ROBO2: variants seen among roughly 807,000 people sequenced by gnomAD.
ROBO2 encodes the protein roundabout homolog 2.
Under a neutral mutation model 160.8 loss-of-function variants are expected in ROBO2, and 53 were observed. The observed-to-expected ratio is 0.33, with a 90% CI of 0.26 to 0.41. ROBO2 has a LOEUF of 0.41. Among genes scored for constraint, ROBO2 ranks in the 10% least tolerant of loss-of-function variants. ROBO2 has a pLI of 1.00. For synonymous variants in ROBO2, 664 were observed against 611.7 expected (o/e 1.09, Z -1.26); for missense variants, 1,577 against 1,722.4 (o/e 0.92, Z 1.49).
At position 75,915,395 on chromosome 3, in the gene ROBO2, T is replaced by C. The variant is rs535529311; in HGVS notation, c.-14+8435T>C. ...GCCGTTAATGAAATGTAATAGTGAG[T>C]CTGTTGTTGTTAGTTGTGACTATAT... On this transcript the variant is annotated intron_variant, in intron 1 of 26. Transcript: ENST00000487694. Among the ~76,000 whole-genome samples the C allele has an allele frequency of 5.3e-5, 8 of 152,262 alleles. No individual in the cohort carries two copies. The South Asian group carries it at 1.0e-3, about 20-fold the overall frequency.
chr3:77,075,914 A>G (rs1288557446), intron 1 of ROBO2, among the ~76,000 whole-genome samples: 4 of 151,648 alleles, frequency 2.6e-5, no homozygotes, highest in Non-Finnish European at 4.4e-5. Context: ...CGGACCTCAA[A>G]TGATCCACCT....
chr3:76,983,919 C>T (rs1260350824), intron 2 of ROBO2, among the ~76,000 whole-genome samples: 7 of 152,296 alleles, frequency 4.6e-5, no homozygotes, highest in East Asian at 3.9e-4. Context: ...TTAATTGACT[C>T]GCAGTTCTGC....
At chr3:76,783,692 G>A (rs1035302669) in intron 2 of ROBO2, among the ~76,000 whole-genome samples, 17 of 150,600 alleles carry the variant, frequency 1.1e-4, no homozygotes, top group African/African-American at 2.4e-4. Flanking sequence ...AGAATGTCTC[G>A]ATAAAAGCCT....
intron 5 of ROBO2, among the ~76,000 whole-genome samples, chr3:77,494,766 C>T (rs531919871): frequency 8.4e-6 from 1 of 119,604 alleles, no homozygotes; most frequent in South Asian, 2.8e-4. Flanking sequence ...TGATTGGATA[C>T]TTTACTTCAA....
intron 2 of ROBO2, among the ~76,000 whole-genome samples, chr3:76,485,234 G>A (rs1344535191): frequency 2.6e-5 from 4 of 151,948 alleles, no homozygotes; most frequent in African/African-American, 4.8e-5. Flanking sequence ...GCAACTAGAT[G>A]GCTCTGTCTT....
At chr3:75,965,219 C>T (rs955961050) in intron 2 of ROBO2, 2 of 151,772 alleles carry the variant, frequency 1.3e-5, no homozygotes, top group Non-Finnish European at 2.9e-5. Flanking sequence ...TCATACCTTT[C>T]TGAAATGTAG....
intron 2 of ROBO2, among the ~76,000 whole-genome samples, chr3:76,858,210 G>A (rs935188239): frequency 6.6e-6 from 1 of 152,152 alleles, no homozygotes; most frequent in East Asian, 1.9e-4. Flanking sequence ...AGGACAGGAC[G>A]GGAGGACGGG....
intron 2 of ROBO2, among the ~76,000 whole-genome samples, chr3:76,835,585 A>G (rs1301142527): frequency 1.3e-5 from 2 of 151,758 alleles, no homozygotes; most frequent in South Asian, 2.1e-4. Flanking sequence ...TAAGTTTGAT[A>G]AGAACCACTT....
intron 2 of ROBO2, among the ~76,000 whole-genome samples, chr3:76,903,144 T>C (rs1399836711): frequency 1.3e-5 from 2 of 152,114 alleles, no homozygotes. Context: ...AAATGACCGA[T>C]ATTGAACTAA....
At chr3:77,225,188 A>G (rs994593431) in intron 2 of ROBO2, among the ~76,000 whole-genome samples, 13 of 151,900 alleles carry the variant, frequency 8.6e-5, no homozygotes, top group African/African-American at 3.1e-4. Flanking sequence ...CAAAATATAT[A>G]CAGACCTCTT....
At chr3:76,814,295 C>A (rs187255228) in intron 2 of ROBO2, among the ~76,000 whole-genome samples, 3 of 151,954 alleles carry the variant, frequency 2.0e-5, no homozygotes, top group African/African-American at 7.3e-5. Flanking sequence ...AGAGATGGTG[C>A]GAGAAAGAAT....
In ROBO2 at chr3:76,920,580, C is replaced by T. The variant is rs554934174; in HGVS notation, c.110-177434C>T. Among the ~76,000 whole-genome samples the T allele has an allele frequency of 1.1e-4, 16 of 152,292 alleles. No individual in the cohort carries two copies. The South Asian group carries it at 3.3e-3, about 32-fold the overall frequency. On this transcript the variant is annotated intron_variant, in intron 2 of 26. Coordinates refer to the ROBO2 transcript ENST00000487694. ...ACAATTTGGTGCTGTGGATACTGCA[C>T]CAAGCCAATGCTTTTTAAACTTCAA... is the stretch of plus-strand genomic sequence containing the variant.
chr3:76,386,268 T>C (rs868246406), intron 2 of ROBO2, among the ~76,000 whole-genome samples: 6 of 152,118 alleles, frequency 3.9e-5, no homozygotes, highest in Middle Eastern at 6.8e-3. Context: ...ATCTTACCAA[T>C]GCAAACTAGA....
chr3:77,622,406 T>C, exon 23 of ROBO2: 5 of 1,614,094 alleles, frequency 3.1e-6, no homozygotes, highest in African/African-American at 1.3e-5. Context: ...GGATCCAGCA[T>C]GGACAATCTA....
At position 76,532,858 on chromosome 3, in the gene ROBO2, C is replaced by T. The variant is rs538004790; in HGVS notation, c.110-565156C>T. ...ATAAAGTGTGAGAAGAGTGGGGTCA[C>T]GTTTTATATTTGTTCCTCAAAATAA... On this transcript the variant is annotated intron_variant, in intron 2 of 26. Coordinates refer to the ROBO2 transcript ENST00000487694. Among the ~76,000 whole-genome samples the T allele has an allele frequency of 7.2e-5, 11 of 152,186 alleles. No homozygotes were observed. In the South Asian group the frequency reaches 8.3e-4, roughly 11 times the overall value.
intron 2 of ROBO2, among the ~76,000 whole-genome samples, chr3:77,305,666 C>T (rs2063038851): frequency 6.6e-6 from 1 of 152,156 alleles, no homozygotes; most frequent in African/African-American, 2.4e-5. Flanking sequence ...TAGCACCTTT[C>T]CTCCAAGTTC....
chr3:77,360,331 T>C lies in ROBO2; in HGVS notation c.389-117083T>C, dbSNP rs529487104. On this transcript the variant is annotated intron_variant, in intron 2 of 25. Coordinates refer to ENST00000461745, the Ensembl canonical transcript of ROBO2. ...AATGAATTTGACACTTGAAGAAAGT[T>C]ATTGTGTATAAATCAAAAATTCAGT... Among the ~76,000 whole-genome samples the C allele has an allele frequency of 4.5e-4, 68 of 150,482 alleles. 1 individual carries two copies. The highest frequency in any genetic ancestry group is 1.6e-3 in the African/African-American group (66 of 41,268).
At chr3:76,272,533 C>T (rs543660334) in intron 2 of ROBO2, among the ~76,000 whole-genome samples, 6 of 149,980 alleles carry the variant, frequency 4.0e-5, no homozygotes, top group East Asian at 2.0e-4. Context: ...CGTGGTGGCG[C>T]GTGCCTGTAA....
chr3:77,449,144 T>C (rs1488847218), intron 2 of ROBO2, among the ~76,000 whole-genome samples: 15 of 152,200 alleles, frequency 9.9e-5, no homozygotes, highest in Non-Finnish European at 1.0e-4. Flanking sequence ...TAGTTTGTTC[T>C]TTAAAATTAA....
Sources: allele counts gnomAD v4.1 joint callset (sites outside exome capture counted in the v4.1 genomes callset), GRCh38; gene constraint gnomAD v4.1.1; transcripts MANE v1.5; gene names NCBI Gene and HGNC (gene_info 2026-07-23, HGNC 2026-07-21).